ZNF407: variants seen among roughly 807,000 people sequenced by gnomAD.
The protein encoded by ZNF407 is zinc finger protein 407.
In ZNF407, 17 loss-of-function variants were observed where a neutral mutation model predicts 131.2. The ratio of observed to expected loss-of-function variants is 0.13; its 90% CI spans 0.09 to 0.19. The LOEUF (loss-of-function observed/expected upper bound fraction) is 0.19. ZNF407 is among the 10% of genes least tolerant of loss of function. The pLI is 1.00. For synonymous variants in ZNF407, 1,156 were observed against 1,062.0 expected (o/e 1.09, Z -1.72); for missense variants, 2,681 against 2,830.6 (o/e 0.95, Z 1.20).
intron 3 of ZNF407, among the ~76,000 whole-genome samples, chr18:74,766,105 T>C (rs1339352525): frequency 6.6e-6 from 1 of 152,060 alleles, no homozygotes; most frequent in Non-Finnish European, 1.5e-5. Flanking sequence ...AAAGTTAATA[T>C]ACTTGTTACA....
At chr18:74,695,872 AG>A (rs1967342163) in intron 3 of ZNF407, among the ~76,000 whole-genome samples, 1 of 151,342 alleles carries the variant, frequency 6.6e-6, no homozygotes, top group East Asian at 2.0e-4. Context: ...AGCATTTAAA[AG>A]AAGAGATCTA....
chr18:74,976,703 C>T (rs1177783781), intron 8 of ZNF407, among the ~76,000 whole-genome samples: 1 of 152,228 alleles, frequency 6.6e-6, no homozygotes, highest in Admixed American at 6.5e-5. Flanking sequence ...TAGCTTTCAG[C>T]GTAATCTCTC....
chr18:74,701,503 C>T (rs920346548), intron 3 of ZNF407, among the ~76,000 whole-genome samples: 1 of 152,152 alleles, frequency 6.6e-6, no homozygotes, highest in Non-Finnish European at 1.5e-5. Flanking sequence ...CAGACAGGCA[C>T]AAGTCATAAG....
chr18:74,997,253 A>T (rs952427908), intron 8 of ZNF407, among the ~76,000 whole-genome samples: 1 of 152,132 alleles, frequency 6.6e-6, no homozygotes, highest in Non-Finnish European at 1.5e-5. Flanking sequence ...ATTAATTTAG[A>T]TTATCAATTT....
intron 8 of ZNF407, among the ~76,000 whole-genome samples, chr18:74,958,985 ACTTTT>A (rs964859396): frequency 6.6e-6 from 1 of 152,090 alleles, no homozygotes; most frequent in Admixed American, 6.6e-5. Context: ...GCCTTTAATA[ACTTTT>A]CTTCTTCCAC....
chr18:74,962,497 G>A (rs1313565628), intron 8 of ZNF407, among the ~76,000 whole-genome samples: 1 of 152,230 alleles, frequency 6.6e-6, no homozygotes, highest in Non-Finnish European at 1.5e-5. Flanking sequence ...TGTCTCTGTG[G>A]GAATGGATGG....
At chr18:74,668,976 T>C (rs1303058242) in intron 3 of ZNF407, among the ~76,000 whole-genome samples, 1 of 152,000 alleles carries the variant, frequency 6.6e-6, no homozygotes, top group African/African-American at 2.4e-5. Flanking sequence ...CCACTGGCCA[T>C]GATCTTATTC....
intron 7 of ZNF407, among the ~76,000 whole-genome samples, chr18:74,916,197 AGT>A (rs1315281756): frequency 2.5e-5 from 2 of 80,070 alleles, no homozygotes; most frequent in Admixed American, 1.4e-4. Context: ...TCGAATCGGG[AGT>A]GTGTGTGTGT....
At position 74,599,863 on chromosome 18, in the gene ZNF407, C is replaced by A. The variant is rs192282193; in HGVS notation, c.-54+1926C>A. On this transcript the variant is annotated intron_variant, in intron 1 of 8. Coordinates refer to ENST00000299687, the MANE Select transcript of ZNF407 (RefSeq NM_017757.3). ...TCTATGAATAGGCGAATAAATTAAGCTGTATGTTTCTAATTGATAGTTGTG... is the reference window on the plus strand; with the variant it reads ...TCTATGAATAGGCGAATAAATTAAGATGTATGTTTCTAATTGATAGTTGTG... 1.5e-4 allele frequency among the ~76,000 whole-genome samples: 23 copies of A among 152,282 alleles called. No individual in the cohort carries two copies. The East Asian group carries it at 4.2e-3, about 28-fold the overall frequency.
chr18:74,996,000 T>A (rs1972776155), intron 8 of ZNF407, among the ~76,000 whole-genome samples: 1 of 152,240 alleles, frequency 6.6e-6, no homozygotes, highest in Admixed American at 6.5e-5. Context: ...TTAAAGTAAA[T>A]TCTTTCAAAA....
Position 74,632,724 on chromosome 18 carries a change from A to C in ZNF407, c.1705A>C (p.Arg569=), listed in dbSNP as rs755012672. ...CRTCDFSSMS[R]RDLDEHLHSN... The stretch of plus-strand genomic sequence containing the variant: ...TACTTGTGACTTCTCTAGTATGTCA[A>C]GAAGGGACTTAGATGAACATTTGCA... Residue 569 remains arginine (R), a synonymous_variant, in exon 2 of 9, where the codon AGA becomes CGA. Transcript: ENST00000299687. 3.1e-6 allele frequency: 5 copies of C among 1,613,960 alleles called. No individual in the cohort carries two copies. The East Asian group carries it at 1.1e-4, about 36-fold the overall frequency.
intron 7 of ZNF407, among the ~76,000 whole-genome samples, chr18:74,893,185 A>G (rs1971409075): frequency 6.6e-6 from 1 of 152,182 alleles, no homozygotes; most frequent in Admixed American, 6.5e-5. Context: ...CAGGTACTAC[A>G]TTTAAGAGGA....
intron 8 of ZNF407, among the ~76,000 whole-genome samples, chr18:75,007,097 A>T (rs1005397611): frequency 5.3e-5 from 8 of 151,988 alleles, no homozygotes; most frequent in Admixed American, 2.0e-4. Flanking sequence ...ATAGAGCTGG[A>T]TTTATTGTTT....
chr18:74,769,472 T>C (rs1969315581), intron 3 of ZNF407, among the ~76,000 whole-genome samples: 1 of 152,220 alleles, frequency 6.6e-6, no homozygotes, highest in South Asian at 2.1e-4. Flanking sequence ...ACTGTCTTTG[T>C]ACATGATAAC....
intron 7 of ZNF407, among the ~76,000 whole-genome samples, chr18:74,909,824 GTCTA>G (rs780740630): frequency 2.6e-5 from 4 of 152,220 alleles, no homozygotes; most frequent in East Asian, 1.9e-4. Context: ...GTGTAGTCAA[GTCTA>G]TCTATGTTTG....
At chr18:74,662,278 T>C (rs1985748193) in intron 3 of ZNF407, among the ~76,000 whole-genome samples, 1 of 152,196 alleles carries the variant, frequency 6.6e-6, no homozygotes, top group Non-Finnish European at 1.5e-5. Flanking sequence ...TCTGACTTTC[T>C]AGTAGAGTGA....
intron 4 of ZNF407, among the ~76,000 whole-genome samples, chr18:74,858,839 AAGG>A (rs1225288588): frequency 6.6e-6 from 1 of 152,196 alleles, no homozygotes; most frequent in Non-Finnish European, 1.5e-5. Flanking sequence ...GAAAGGGTTA[AAGG>A]AGATCAGGAA....
chr18:74,972,767 TA>T (rs60082776), intron 8 of ZNF407, among the ~76,000 whole-genome samples: 35 of 151,986 alleles, frequency 2.3e-4, no homozygotes, highest in Non-Finnish European at 4.4e-5. Context: ...AATCCTGCTT[TA>T]AAAAAAATGT....
At chr18:74,762,098 G>T (rs1969108954) in intron 3 of ZNF407, among the ~76,000 whole-genome samples, 1 of 151,860 alleles carries the variant, frequency 6.6e-6, no homozygotes, top group South Asian at 2.1e-4. Context: ...CCAGGTAGTT[G>T]CTTGACAGTG....
Sources: gnomAD v4.1 joint callset for allele counts (sites outside exome capture counted in the v4.1 genomes callset) on GRCh38, gnomAD v4.1.1 for gene constraint, MANE v1.5 for transcripts, NCBI Gene and HGNC (gene_info 2026-07-23, HGNC 2026-07-21) for gene names.